SPACA6: variants seen among roughly 807,000 people sequenced by gnomAD.
SPACA6 encodes the protein sperm acrosome associated 6.
For synonymous variants in SPACA6, 6 were observed against 1.5 expected (o/e 4.05, Z -2.21); for missense variants, 8 against 2.8 (o/e 2.88, Z -1.34).
At chr19:51,691,293 G>A (rs370621316), upstream of SPACA6, among the ~76,000 whole-genome samples, 1 of 151,626 alleles carries the variant, frequency 6.6e-6, no homozygotes, top group African/African-American at 2.4e-5. Flanking sequence ...GAGAGAGAGG[G>A]AGAGAGACAG....
upstream of SPACA6, among the ~76,000 whole-genome samples, chr19:51,692,209 G>A (rs1048926802): frequency 2.6e-5 from 4 of 152,150 alleles, no homozygotes; most frequent in African/African-American, 9.7e-5. The surrounding 1 kb of genome is among the most constrained non-coding windows in gnomAD (Gnocchi z 5.6). Flanking sequence ...TGTGCCCAAA[G>A]GGCCAAATTA....
downstream of SPACA6, among the ~76,000 whole-genome samples, chr19:51,707,038 T>C (rs1393972683): frequency 6.6e-6 from 1 of 152,232 alleles, no homozygotes; most frequent in Non-Finnish European, 1.5e-5. Context: ...TCATTCTTGT[T>C]CACTGGTCTA....
chr19:51,696,248 T>C (rs2083430213), intron 2 of SPACA6, among the ~76,000 whole-genome samples: 1 of 152,076 alleles, frequency 6.6e-6, no homozygotes, highest in Admixed American at 6.6e-5. Context: ...TGCAATACGT[T>C]CAATTATACT....
Position 51,701,646 on chromosome 19 carries a change from T to C in SPACA6, c.293-12T>C. The C allele has an allele frequency of 2.5e-6, 1 of 398,888 alleles. No individual in the cohort carries two copies. The allele number at this position is 398,888 out of a possible 1,614,324, so 24.7% of individuals were successfully genotyped here. A position where few individuals can be genotyped will look rare whatever the true frequency, so the allele number is the denominator to read the frequency against. ...CTTTACTACACAGGCCGTCCTCCCCTCCACTCTCCAGGATCCTTTGAGGTT... is the reference window on the plus strand; with the variant it reads ...CTTTACTACACAGGCCGTCCTCCCCCCCACTCTCCAGGATCCTTTGAGGTT... On this transcript the variant is annotated splice_polypyrimidine_tract_variant and intron_variant, in intron 2 of 8. Coordinates refer to ENST00000637797, the MANE Select transcript of SPACA6 (RefSeq NM_001316972.2).
At chr19:51,705,007 T>C in intron 8 of SPACA6, 83 bp from the exon 9 acceptor site, 1 of 296,014 alleles carries the variant, frequency 3.4e-6, no homozygotes, top group Admixed American at 8.7e-5. Flanking sequence ...GTACACCTTT[T>C]TGACCCTGGT....
chr19:51,708,598 G>A (rs148793478), downstream of SPACA6, among the ~76,000 whole-genome samples: 1,081 of 152,186 alleles, frequency 7.1e-3, 11 homozygotes, highest in African/African-American at 0.022. Flanking sequence ...AGGCCGAGAC[G>A]GGTGGATTAC....
upstream of SPACA6, among the ~76,000 whole-genome samples, chr19:51,691,257 A>G (rs1054267554): frequency 6.6e-6 from 1 of 151,040 alleles, no homozygotes; most frequent in African/African-American, 2.4e-5. Context: ...GGGAGGAAAG[A>G]GAGAGACCTA....
At chr19:51,698,521 G>T (rs1187299379) in intron 2 of SPACA6, among the ~76,000 whole-genome samples, 1 of 151,960 alleles carries the variant, frequency 6.6e-6, no homozygotes, top group Non-Finnish European at 1.5e-5. Context: ...CAACATCCTG[G>T]CCTCTCATTT....
the SPACA6 span, among the ~76,000 whole-genome samples, chr19:51,683,280 C>A: frequency 2.0e-5 from 3 of 152,202 alleles, no homozygotes; most frequent in South Asian, 2.1e-4. Flanking sequence ...CTTCAAATAT[C>A]TCTCTCCTTA....
At position 51,704,350 on chromosome 19, in the gene SPACA6, G is replaced by A; in HGVS notation, c.811G>A (p.Glu271Lys). 2.5e-6 allele frequency: 1 copy of A among 400,964 alleles called. No homozygotes were observed. Among genetic ancestry groups the A allele is most frequent in the South Asian group, 1.3e-4 (1 of 7,960 alleles). The allele number at this position is 400,964 out of a possible 1,614,324, so 24.8% of individuals were successfully genotyped here. A position where few individuals can be genotyped will look rare whatever the true frequency, so the allele number is the denominator to read the frequency against. The change falls in exon 8 of 9, where the codon GAG becomes AAG. Residue 271 changes from glutamate to lysine, a missense_variant. Coordinates refer to ENST00000637797, the MANE Select transcript of SPACA6 (RefSeq NM_001316972.2). ...GCTGCGCTGGGCGCCGCGGGATGCCGAGCTGATCGAGCCCTGGAGGCCCAG... is the reference window on the plus strand; with the variant it reads ...GCTGCGCTGGGCGCCGCGGGATGCCAAGCTGATCGAGCCCTGGAGGCCCAG... ...EVLRWAPRDA[E>K]LIEPWRPSLG...
At chr19:51,686,186 TG>T (rs2083327676), upstream of SPACA6, 2 of 152,188 alleles carry the variant, frequency 1.3e-5, no homozygotes, top group Non-Finnish European at 2.9e-5. Context: ...CAGAAACTAA[TG>T]GGAATTATGG....
chr19:51,693,837 A>G, intron 1 of SPACA6, 97 bp downstream of exon 1: 2 of 401,472 alleles, frequency 5.0e-6, no homozygotes. Flanking sequence ...AGACAGAGAG[A>G]AACAGTCAGA....
At position 51,694,507 on chromosome 19, in the gene SPACA6, A is replaced by G. The variant is rs1037955805; in HGVS notation, c.244A>G (p.Thr82Ala). The G allele has an allele frequency of 4.3e-5, 17 of 399,468 alleles. No homozygotes were observed. Among genetic ancestry groups the G allele is most frequent in the Non-Finnish European group, 3.5e-5 (8 of 226,500 alleles). The allele number at this position is 399,468 out of a possible 1,614,324, so 24.7% of individuals were successfully genotyped here. A position where few individuals can be genotyped will look rare whatever the true frequency, so the allele number is the denominator to read the frequency against. The change falls in exon 2 of 9, where the codon ACC becomes GCC. Residue 82 changes from threonine to alanine, a missense_variant. Transcript: ENST00000637797. ...TGATGAGAGAAGCCACCTGCATGAC[A>G]CCTTCACCCAGATGACCCATGCCCT... ...NYDERSHLHD[T>A]FTQMTHALQE... is the part of the protein sequence containing the mutation.
chr19:51,706,982 G>A (rs2083519086), downstream of SPACA6, among the ~76,000 whole-genome samples: 1 of 152,042 alleles, frequency 6.6e-6, no homozygotes, highest in Non-Finnish European at 1.5e-5. Flanking sequence ...TTTTAATTTG[G>A]TTTTGCCTTT....
intron 2 of SPACA6, among the ~76,000 whole-genome samples, chr19:51,694,756 G>A (rs550640379): frequency 6.6e-6 from 1 of 152,214 alleles, no homozygotes; most frequent in Non-Finnish European, 1.5e-5. Flanking sequence ...GCTGAAGGTG[G>A]TGAGGGGGAA....
rs553362337 is a variant in SPACA6 at position 51,701,666 on chromosome 19, G to C, written c.301G>C (p.Glu101Gln). The change falls in exon 3 of 9, where the codon GAG becomes CAG. Residue 101 changes from glutamate to glutamine, a missense_variant. Coordinates refer to ENST00000637797, the MANE Select transcript of SPACA6 (RefSeq NM_001316972.2). ...TCCCCTCCACTCTCCAGGATCCTTTGAGGTTGCCTTCCCTGATGCTGCGGA... is the reference window on the plus strand; with the variant it reads ...TCCCCTCCACTCTCCAGGATCCTTTCAGGTTGCCTTCCCTGATGCTGCGGA... ...QELAAAQGSF[E>Q]VAFPDAAEKM... 28 of 398,950 alleles carry C rather than the reference G, an allele frequency of 7.0e-5. No homozygotes were observed. Among genetic ancestry groups the C allele is most frequent in the Non-Finnish European group, 1.1e-4 (26 of 226,094 alleles). The allele number at this position is 398,950 out of a possible 1,614,324, so 24.7% of individuals were successfully genotyped here.
At chr19:51,693,235 G>C (rs10404453), upstream of SPACA6, 1 of 647,312 alleles carries the variant, frequency 1.5e-6, no homozygotes, top group Non-Finnish European at 3.0e-6. Flanking sequence ...AGGGTCTACC[G>C]GGCCACCGCA....
intron 2 of SPACA6, among the ~76,000 whole-genome samples, chr19:51,697,703 C>A (rs779129532): frequency 2.0e-5 from 3 of 152,102 alleles, no homozygotes; most frequent in Admixed American, 6.6e-5. Context: ...GGCTGACTGC[C>A]TCTTGGTGAT....
chr19:51,692,754 C>A (rs1389296113), upstream of SPACA6: 4 of 534,494 alleles, frequency 7.5e-6, no homozygotes, highest in South Asian at 4.2e-5. The surrounding 1 kb of genome is among the most constrained non-coding windows in gnomAD (Gnocchi z 5.6). Flanking sequence ...CCCTGTCTGT[C>A]TGTCTGTCGG....
Sources: allele counts gnomAD v4.1 joint callset (sites outside exome capture counted in the v4.1 genomes callset), GRCh38; gene constraint gnomAD v4.1.1; non-coding constraint Gnocchi (gnomAD v3.1); transcripts MANE v1.5; gene names NCBI Gene and HGNC (gene_info 2026-07-23, HGNC 2026-07-21).